NRG1: variants seen among roughly 807,000 people sequenced by gnomAD.
NRG1 encodes pro-neuregulin-1, membrane-bound isoform.
NRG1 carries 18 observed loss-of-function variants against 63.8 expected under a neutral mutation model. The observed-to-expected ratio is 0.28, with a 90% CI of 0.19 to 0.42. The LOEUF is 0.42. Among genes scored for constraint, NRG1 ranks in the 10% least tolerant of loss-of-function variants. The pLI is 1.00. For synonymous variants in NRG1, 302 were observed against 301.3 expected, an observed-to-expected ratio of 1.00 and a Z score of -0.02; for missense variants, 762 against 814.7, an observed-to-expected ratio of 0.94 and a Z score of 0.79.
chr8:32,512,791 C>T (rs1335860777), intron 1 of NRG1, among the ~76,000 whole-genome samples: 1 of 152,042 alleles, frequency 6.6e-6, no homozygotes, highest in African/African-American at 2.4e-5. Context: ...GGAGAAATTC[C>T]CACATTTTCC....
At chr8:32,448,734 G>A (rs549555068) in intron 1 of NRG1, among the ~76,000 whole-genome samples, 3 of 152,030 alleles carry the variant, frequency 2.0e-5, no homozygotes, top group Admixed American at 1.3e-4. Flanking sequence ...GAGGTTCCTC[G>A]GCACCTCCTG....
chr8:31,997,140 A>G (rs2129633506), intron 1 of NRG1, among the ~76,000 whole-genome samples: 1 of 149,994 alleles, frequency 6.7e-6, no homozygotes, highest in South Asian at 2.1e-4. Flanking sequence ...GCATTTTTTT[A>G]TCATTTGCCC....
chr8:32,367,294 C>T (rs563610089), intron 1 of NRG1, among the ~76,000 whole-genome samples: 70 of 152,266 alleles, frequency 4.6e-4, no homozygotes, highest in African/African-American at 1.6e-3. Flanking sequence ...TCCACATCCT[C>T]ACTGACATTT....
At chr8:32,720,323 G>T (rs1013954312) in intron 5 of NRG1, among the ~76,000 whole-genome samples, 21 of 152,104 alleles carry the variant, frequency 1.4e-4, no homozygotes, top group Non-Finnish European at 2.8e-4. Context: ...GGTAGAAAAT[G>T]CAGAGTATAG....
At chr8:32,576,651 C>G (rs984251201) in intron 1 of NRG1, among the ~76,000 whole-genome samples, 7 of 152,096 alleles carry the variant, frequency 4.6e-5, no homozygotes, top group African/African-American at 1.4e-4. Flanking sequence ...CTGCCCCTGG[C>G]ACAGTGTAAT....
At chr8:32,427,479 C>T (rs1011708518) in intron 1 of NRG1, among the ~76,000 whole-genome samples, 9 of 152,134 alleles carry the variant, frequency 5.9e-5, no homozygotes, top group Non-Finnish European at 1.5e-5. Context: ...AAGCAGATTT[C>T]CATAGCAGAG....
chr8:31,820,302 C>A (rs1387969435), intron 1 of NRG1, among the ~76,000 whole-genome samples: 1 of 152,148 alleles, frequency 6.6e-6, no homozygotes, highest in East Asian at 1.9e-4. Context: ...GGCAGCTGGG[C>A]ACATCTGCCC....
upstream of NRG1, among the ~76,000 whole-genome samples, chr8:32,544,679 C>CTTTTTTTTT (rs755780220): frequency 9.9e-5 from 8 of 80,434 alleles, no homozygotes; most frequent in Admixed American, 1.7e-4. Context: ...ATTTTTGTAT[C>CTTTTTTTTT]TTTTTTTTTT....
chr8:32,719,037 A>G (rs551879578), intron 5 of NRG1, among the ~76,000 whole-genome samples: 75 of 152,216 alleles, frequency 4.9e-4, no homozygotes, highest in African/African-American at 1.8e-3. Context: ...TTTAAGAGCA[A>G]TGCTGAATAG....
chr8:32,175,524 C>T (rs1256415368), intron 1 of NRG1, among the ~76,000 whole-genome samples: 1 of 152,018 alleles, frequency 6.6e-6, no homozygotes, highest in Non-Finnish European at 1.5e-5. Context: ...TTCAGGTAGT[C>T]AAAGATGAAG....
At chr8:32,133,478 G>A (rs1458429773) in intron 1 of NRG1, among the ~76,000 whole-genome samples, 1 of 152,028 alleles carries the variant, frequency 6.6e-6, no homozygotes, top group African/African-American at 2.4e-5. Context: ...ACTCACTCAG[G>A]AGCTGAGATA....
At chr8:32,272,256 T>A (rs1851626369) in intron 1 of NRG1, among the ~76,000 whole-genome samples, 1 of 152,160 alleles carries the variant, frequency 6.6e-6, no homozygotes, top group Non-Finnish European at 1.5e-5. Flanking sequence ...GGCAGCCTTC[T>A]CCCTGTTCCC....
chr8:32,146,605 G>A (rs1267473714), intron 1 of NRG1, among the ~76,000 whole-genome samples: 1 of 152,072 alleles, frequency 6.6e-6, no homozygotes, highest in East Asian at 1.9e-4. Context: ...TGGCACAAAA[G>A]GGTTGAGACC....
chr8:32,264,196 G>T (rs979536447), intron 1 of NRG1, among the ~76,000 whole-genome samples: 10 of 152,080 alleles, frequency 6.6e-5, no homozygotes, highest in African/African-American at 2.4e-4. Flanking sequence ...AGAAGAATTT[G>T]TCTAATAAAT....
chr8:32,762,007 C>T (rs960689307), intron 11 of NRG1, among the ~76,000 whole-genome samples: 23 of 140,814 alleles, frequency 1.6e-4, no homozygotes, highest in African/African-American at 5.1e-4. Flanking sequence ...CCACTGTACT[C>T]CAGCCTAGGC....
At chr8:32,047,182 G>T (rs1821146275) in intron 1 of NRG1, among the ~76,000 whole-genome samples, 1 of 152,012 alleles carries the variant, frequency 6.6e-6, no homozygotes, top group Non-Finnish European at 1.5e-5. Context: ...CATATCTGGA[G>T]CTGGTTAACT....
At chr8:32,083,096 C>A (rs1206387477) in intron 1 of NRG1, among the ~76,000 whole-genome samples, 1 of 152,146 alleles carries the variant, frequency 6.6e-6, no homozygotes, top group Non-Finnish European at 1.5e-5. Context: ...ATGCCTCCAC[C>A]ATTAACAGCA....
intron 1 of NRG1, chr8:31,639,927 G>A (rs956813117): frequency 1.8e-6 from 2 of 1,117,736 alleles, no homozygotes; most frequent in Admixed American, 1.0e-4. Flanking sequence ...GGGAGGCAGC[G>A]CGAGAGAGCC....
chr8:32,336,558 G>A (rs1231756839), intron 1 of NRG1, among the ~76,000 whole-genome samples: 1 of 152,170 alleles, frequency 6.6e-6, no homozygotes, highest in African/African-American at 2.4e-5. Context: ...AGAGACCCAA[G>A]AGGCTAGTCA....
Sources: gnomAD v4.1 joint callset for allele counts (sites outside exome capture counted in the v4.1 genomes callset) on GRCh38, gnomAD v4.1.1 for gene constraint, MANE v1.5 for transcripts, NCBI Gene and HGNC (gene_info 2026-07-23, HGNC 2026-07-21) for gene names.